The following BAD variants were observed in gnomAD, a reference collection of about 807,000 sequenced individuals.
BAD encodes the protein BCL2 associated agonist of cell death, also known as bcl2-associated agonist of cell death.
BAD carries 18 observed loss-of-function variants against 17.8 expected under a neutral mutation model. The ratio of observed to expected loss-of-function variants is 1.01; its 90% confidence interval spans 0.70 to 1.50. The LOEUF (loss-of-function observed/expected upper bound fraction) is 1.50, where lower values mean the gene tolerates loss of function less well. BAD is among the 40% of genes most tolerant of loss of function. The pLI is 0.00. For synonymous variants in BAD, 112 were observed against 91.5 expected (o/e 1.22, Z -1.28); for missense variants, 294 against 239.3 (o/e 1.23, Z -1.51).
At position 64,269,887 on chromosome 11, in the gene BAD, C is replaced by T. The variant is rs1032437055; in HGVS notation, c.*322G>A. 3 of 698,956 alleles carry T rather than the reference C, an allele frequency of 4.3e-6. No homozygotes were observed. The Admixed American group carries it at 6.0e-5, about 14-fold the overall frequency. The allele number at this position is 698,956 out of a possible 1,614,324, so 43.3% of individuals were successfully genotyped here. A position where few individuals can be genotyped will look rare whatever the true frequency, so the allele number is the denominator to read the frequency against. ...GTAGTGAGCACGGCCCCCAGGGCAT[C>T]GCGGGGGCTCGGGTCCCGGTGACGC... On this transcript the variant is annotated 3_prime_UTR_variant, in exon 4 of 4. Transcript: ENST00000309032.
At chr11:64,275,609 A>G (rs1276467752) in intron 2 of BAD, 2 of 152,208 alleles carry the variant, frequency 1.3e-5, no homozygotes, top group African/African-American at 4.8e-5. Flanking sequence ...AAACAGAGGC[A>G]GAGGTTAAGA....
chr11:64,271,748 CT>C lies in BAD; in HGVS notation c.242del (p.Glu81GlyfsTer37). 1 of 1,451,612 alleles carries C rather than the reference CT, an allele frequency of 6.9e-7. No individual in the cohort carries two copies. Among genetic ancestry groups the C allele is most frequent in the Non-Finnish European group, 9.1e-7 (1 of 1,102,796 alleles). 89.9% of individuals were successfully genotyped at this position (1,451,612 alleles called of 1,614,324 possible). On this transcript the variant is annotated frameshift_variant, in exon 3 of 4. Coordinates refer to ENST00000309032, the MANE Select transcript of BAD (RefSeq NM_032989.3). LOFTEE classifies it high-confidence loss of function. ...SRHSSYPAGTEDDEGMGEEPS... is the reference protein window; with the variant it reads ...SRHSSYPAGTXDDEGMGEEPS... ...GCTCCTCCCCCATCCCTTCGTCGTC[CT>C]CCGTCCCCGCGGGGTAGGAGCTGTG...
chr11:64,271,748 CTCCGT>C lies in BAD; in HGVS notation c.238_242del (p.Thr80GlyfsTer38). The C allele has an allele frequency of 6.9e-7, 1 of 1,451,612 alleles. No individual in the cohort carries two copies. Among genetic ancestry groups the C allele is most frequent in the South Asian group, 1.5e-5 (1 of 68,784 alleles). 89.9% of individuals were successfully genotyped at this position (1,451,612 alleles called of 1,614,324 possible). A position where few individuals can be genotyped will look rare whatever the true frequency, so the allele number is the denominator to read the frequency against. ...GCTCCTCCCCCATCCCTTCGTCGTC[CTCCGT>C]CCCCGCGGGGTAGGAGCTGTGGCGA... On this transcript the variant is annotated frameshift_variant, in exon 3 of 4. Coordinates refer to ENST00000309032, the MANE Select transcript of BAD (RefSeq NM_032989.3). LOFTEE classifies it high-confidence loss of function.
chr11:64,272,300 C>T (rs914466209), intron 2 of BAD, among the ~76,000 whole-genome samples: 20 of 150,448 alleles, frequency 1.3e-4, no homozygotes, highest in African/African-American at 4.4e-4. Context: ...GCCTGGGCGA[C>T]AGGCTTTTTT....
At chr11:64,280,332 A>AAAT (rs144682603) in intron 2 of BAD, among the ~76,000 whole-genome samples, 86,401 of 123,274 alleles carry the variant, frequency 0.7, 31,920 homozygotes, top group Non-Finnish European at 0.8. Flanking sequence ...AAATAAAATA[A>AAAT]AATAATAATA....
In BAD at chr11:64,271,162, A is replaced by ACACG. The variant is rs1335844292; in HGVS notation, c.378+450_378+451insCGTG. On this transcript the variant is annotated intron_variant, in intron 3 of 3. Coordinates refer to ENST00000309032, the MANE Select transcript of BAD (RefSeq NM_032989.3). ...CACACACACACACACACACACACAC[A>ACACG]CCTGGAGTGGGATCTAGACTACAGA... is the stretch of plus-strand genomic sequence containing the variant. Among the ~76,000 whole-genome samples the ACACG allele has an allele frequency of 9.6e-3, 2 of 208 alleles. 1 individual carries two copies. The highest frequency in any genetic ancestry group is 0.029 in the Non-Finnish European group (2 of 70). The allele number at this position is 208 out of a possible 152,430, so 0.1% of individuals were successfully genotyped here. A position where few individuals can be genotyped will look rare whatever the true frequency, so the allele number is the denominator to read the frequency against.
Position 64,271,820 on chromosome 11 carries a change from G to T in BAD, c.188-17C>A, listed in dbSNP as rs746653543. ...CCCCAGCGCCTGCAGAGGGTCAGTG[G>T]GTAGGGGGGCGACGTTAATCTCAGC... On this transcript the variant is annotated splice_polypyrimidine_tract_variant and intron_variant, in intron 2 of 3. Transcript: ENST00000309032. The T allele has an allele frequency of 1.9e-5, 26 of 1,378,612 alleles. No homozygotes were observed. The Admixed American group carries it at 2.2e-4, about 12-fold the overall frequency. The allele number at this position is 1,378,612 out of a possible 1,614,324, so 85.4% of individuals were successfully genotyped here.
chr11:64,272,697 A>T (rs1056211830), intron 2 of BAD: 3 of 152,258 alleles, frequency 2.0e-5, no homozygotes, highest in Non-Finnish European at 4.4e-5. Flanking sequence ...AGAAGACAGA[A>T]GCTTAGAGAG....
intron 2 of BAD, among the ~76,000 whole-genome samples, chr11:64,280,093 G>A (rs889378820): frequency 5.9e-5 from 9 of 151,728 alleles, no homozygotes; most frequent in African/African-American, 7.2e-5. Flanking sequence ...CAAGGCGGGC[G>A]GATCACAAGG....
chr11:64,278,925 T>A (rs976019939), intron 2 of BAD, among the ~76,000 whole-genome samples: 1 of 152,152 alleles, frequency 6.6e-6, no homozygotes, highest in Non-Finnish European at 1.5e-5. Context: ...ACCACTTGCT[T>A]TTGGAGACAC....
intron 2 of BAD, among the ~76,000 whole-genome samples, chr11:64,278,075 G>A (rs1175888851): frequency 6.6e-6 from 1 of 152,078 alleles, no homozygotes; most frequent in Non-Finnish European, 1.5e-5. Flanking sequence ...ACTGCTTGAG[G>A]CCAGGAGTTC....
At chr11:64,283,009 G>A (rs1273191660) in intron 2 of BAD, among the ~76,000 whole-genome samples, 3 of 152,096 alleles carry the variant, frequency 2.0e-5, no homozygotes, top group African/African-American at 7.2e-5. Flanking sequence ...AGCTGAGATC[G>A]CACCTCTGTA....
rs2033731562 is a variant in BAD, at chr11:64,284,617, C to T, written c.-9+14G>A. 2 of 1,507,828 alleles carry T rather than the reference C, an allele frequency of 1.3e-6. No homozygotes were observed. The highest frequency in any genetic ancestry group is 1.8e-6 in the Non-Finnish European group (2 of 1,132,424). The allele number at this position is 1,507,828 out of a possible 1,614,324, so 93.4% of individuals were successfully genotyped here. A position where few individuals can be genotyped will look rare whatever the true frequency, so the allele number is the denominator to read the frequency against. On this transcript the variant is annotated intron_variant, in intron 1 of 3. Coordinates refer to ENST00000309032, the MANE Select transcript of BAD (RefSeq NM_032989.3). ...GGCCCCGCCCCGCCCGTGGTGACGG[C>T]GCACAGGTCTCACCCCAAGCCCGAT...
At chr11:64,280,357 A>AATT (rs1555069790) in intron 2 of BAD, among the ~76,000 whole-genome samples, 2 of 134,910 alleles carry the variant, frequency 1.5e-5, no homozygotes, top group Non-Finnish European at 1.6e-5. Flanking sequence ...TAATAATAAT[A>AATT]ATTTTTTTTT....
At position 64,270,022 on chromosome 11, in the gene BAD, C is replaced by G; in HGVS notation, c.*187G>C. ...GCGGCTGTGGGCGGAAAACCCAAAACTTCCGATGGGACCAAGCCTTCCGTG... is the reference window on the plus strand; with the variant it reads ...GCGGCTGTGGGCGGAAAACCCAAAAGTTCCGATGGGACCAAGCCTTCCGTG... On this transcript the variant is annotated 3_prime_UTR_variant, in exon 4 of 4. Coordinates refer to ENST00000309032, the MANE Select transcript of BAD (RefSeq NM_032989.3). 1 of 1,191,472 alleles carries G rather than the reference C, an allele frequency of 8.4e-7. No individual in the cohort carries two copies. The highest frequency in any genetic ancestry group is 1.2e-6 in the Non-Finnish European group (1 of 843,848). 73.8% of individuals were successfully genotyped at this position (1,191,472 alleles called of 1,614,324 possible).
At chr11:64,282,206 C>G (rs969818511) in intron 2 of BAD, among the ~76,000 whole-genome samples, 1 of 152,200 alleles carries the variant, frequency 6.6e-6, no homozygotes, top group Non-Finnish European at 1.5e-5. Flanking sequence ...ACGGTGAGCA[C>G]TCACTGTGTG....
intron 2 of BAD, among the ~76,000 whole-genome samples, chr11:64,278,417 A>G (rs1044800107): frequency 6.7e-6 from 1 of 149,726 alleles, no homozygotes; most frequent in East Asian, 1.9e-4. Context: ...TACATAAATA[A>G]TAACAATGGC....
rs1012971065 is a variant in BAD at position 64,284,621 on chromosome 11, C to T, written c.-9+10G>A. The T allele has an allele frequency of 6.6e-7, 1 of 1,513,342 alleles. No homozygotes were observed. The highest frequency in any genetic ancestry group is 1.4e-5 in the African/African-American group (1 of 72,450). 93.7% of individuals were successfully genotyped at this position (1,513,342 alleles called of 1,614,324 possible). Reference sequence around the variant, plus strand: ...CCGCCCCGCCCGTGGTGACGGCGCACAGGTCTCACCCCAAGCCCGATCTCG... The same window carrying T: ...CCGCCCCGCCCGTGGTGACGGCGCATAGGTCTCACCCCAAGCCCGATCTCG... On this transcript the variant is annotated intron_variant, in intron 1 of 3. Coordinates refer to ENST00000309032, the MANE Select transcript of BAD (RefSeq NM_032989.3).
At chr11:64,272,441 T>C (rs2032706641) in intron 2 of BAD, among the ~76,000 whole-genome samples, 2 of 152,096 alleles carry the variant, frequency 1.3e-5, no homozygotes, top group Admixed American at 1.3e-4. Context: ...ATCCCTTGGA[T>C]AGGAAAGTGT....
Sources: allele counts gnomAD v4.1 joint callset (sites outside exome capture counted in the v4.1 genomes callset), GRCh38; gene constraint gnomAD v4.1.1; transcripts MANE v1.5; gene names NCBI Gene and HGNC (gene_info 2026-07-23, HGNC 2026-07-21).